TMEM131L: variants seen among roughly 807,000 people sequenced by gnomAD.
TMEM131L encodes transmembrane protein 131-like.
TMEM131L carries 54 observed loss-of-function variants against 192.2 expected under a neutral mutation model. The observed-to-expected ratio is 0.28, with a 90% CI of 0.23 to 0.35. The LOEUF is 0.35. Ranked by LOEUF, TMEM131L falls within the 10% of genes least tolerant of loss-of-function variation. The pLI is 1.00. For missense variants in TMEM131L, 1,888 were observed against 1,972.9 expected (o/e 0.96, Z 0.82); for synonymous variants, 701 against 704.9 (o/e 0.99, Z 0.09).
At position 153,614,360 on chromosome 4, in the gene TMEM131L, A is replaced by T. The variant is rs528360633; in HGVS notation, c.3567+1960A>T. Among the ~76,000 whole-genome samples the T allele has an allele frequency of 4.6e-5, 7 of 152,364 alleles. No homozygotes were observed. The South Asian group carries it at 1.4e-3, about 32-fold the overall frequency. On this transcript the variant is annotated intron_variant, in intron 26 of 34. Transcript: ENST00000409959. ...GCAATAGGAAGGTGGTGGTATCCGT[A>T]GAGAACTGAATTGTTGCCTGCTAAG...
intron 3 of TMEM131L, among the ~76,000 whole-genome samples, chr4:153,532,446 T>TAAA (rs57314018): frequency 3.6e-3 from 529 of 145,050 alleles, no homozygotes; most frequent in Middle Eastern, 7.0e-3. Flanking sequence ...GCTTTTTTTT[T>TAAA]AAAAAAAAAA....
chr4:153,535,671 T>C (rs559788811), intron 3 of TMEM131L, among the ~76,000 whole-genome samples: 1 of 152,230 alleles, frequency 6.6e-6, no homozygotes, highest in African/African-American at 2.4e-5. Context: ...TTAGGAAGAG[T>C]GTACCTTCCT....
At chr4:153,474,231 C>T (rs1211831302) in intron 3 of TMEM131L, among the ~76,000 whole-genome samples, 6 of 152,120 alleles carry the variant, frequency 3.9e-5, no homozygotes, top group East Asian at 3.8e-4. Context: ...ACCTCTGTTT[C>T]GTGTAGTGGG....
rs753384731 is a variant in TMEM131L at position 153,636,402 on chromosome 4, C to T, written c.4659C>T (p.Asn1553=). Residue 1553 remains asparagine (N), a synonymous_variant, in exon 35 of 35, where the codon AAC becomes AAT. Coordinates refer to ENST00000409959, the MANE Select transcript of TMEM131L (RefSeq NM_001131007.2). ...TGTATGAAAATTGCTGCCCCATCAA[C>T]CCCACCACGGAACATTCGACCCACA... ...SDVYENCCPI[N]PTTEHSTHME... 1.2e-6 allele frequency: 2 copies of T among 1,614,198 alleles called. No individual in the cohort carries two copies. The highest frequency in any genetic ancestry group is 1.7e-6 in the Non-Finnish European group (2 of 1,180,026).
chr4:153,486,285 A>G (rs1179574370), intron 3 of TMEM131L, among the ~76,000 whole-genome samples: 1 of 152,246 alleles, frequency 6.6e-6, no homozygotes, highest in Non-Finnish European at 1.5e-5. Flanking sequence ...ATTCAGCTAC[A>G]TAGCTTTTGA....
At chr4:153,467,357 C>A in intron 2 of TMEM131L, 76 bp downstream of exon 2, 3 of 1,294,870 alleles carry the variant, frequency 2.3e-6, no homozygotes, top group Non-Finnish European at 3.3e-6. Flanking sequence ...GTCCTCCCCA[C>A]CCCCTGTCCA....
chr4:153,585,470 G>A lies in TMEM131L; in HGVS notation c.1170G>A (p.Met390Ile). 2 of 1,613,896 alleles carry A rather than the reference G, an allele frequency of 1.2e-6. No individual in the cohort carries two copies. Among genetic ancestry groups the A allele is most frequent in the Non-Finnish European group, 1.7e-6 (2 of 1,179,940 alleles). Residue 390 changes from methionine to isoleucine, a missense_variant, in exon 13 of 35, where the codon ATG becomes ATA. Physicochemically the swap from Met to Ile is conservative, Grantham distance 10 (BLOSUM62 1). Coordinates refer to ENST00000409959, the MANE Select transcript of TMEM131L (RefSeq NM_001131007.2). ...CGTCTGTTCACAGGTATTTTAGAAT[G>A]GACTCTTCTGCAACCCAGTTTCACA... The part of the protein sequence containing the change: ...FSSVAQGYFR[M>I]DSSATQFHIE...
In TMEM131L at chr4:153,575,472, C is replaced by A. The variant is rs77140764; in HGVS notation, c.661-5354C>A. ...GGTACCTAGGAGAAACAGATTTGAT[C>A]TATTTTAATTTGTTAAAAAAGTACT... is the stretch of plus-strand genomic sequence containing the variant. On this transcript the variant is annotated intron_variant, in intron 7 of 34. Transcript: ENST00000409959. 7.7e-3 allele frequency among the ~76,000 whole-genome samples: 1,179 copies of A among 152,164 alleles called. 6 individuals carry two copies. The highest frequency in any genetic ancestry group is 0.013 in the Non-Finnish European group (880 of 68,002).
chr4:153,500,796 C>T (rs7691745), intron 3 of TMEM131L, among the ~76,000 whole-genome samples: 2,023 of 152,238 alleles, frequency 0.013, 39 homozygotes, highest in African/African-American at 0.045. Flanking sequence ...GAAACACACA[C>T]GCTCACACAC....
chr4:153,528,013 T>C (rs1282977563), intron 3 of TMEM131L, among the ~76,000 whole-genome samples: 2 of 152,208 alleles, frequency 1.3e-5, no homozygotes, highest in Non-Finnish European at 2.9e-5. Context: ...CTGAGCAGGT[T>C]CTTTTCCTCA....
chr4:153,596,781 C>CT (rs1416288743), intron 20 of TMEM131L, among the ~76,000 whole-genome samples: 1 of 152,174 alleles, frequency 6.6e-6, no homozygotes, highest in South Asian at 2.1e-4. Flanking sequence ...ACTTTCATCT[C>CT]TTTTTTGCTC....
At chr4:153,607,860 G>A (rs1026032222) in intron 25 of TMEM131L, among the ~76,000 whole-genome samples, 17 of 152,260 alleles carry the variant, frequency 1.1e-4, no homozygotes, top group Non-Finnish European at 2.2e-4. Flanking sequence ...GGGAGGCCGT[G>A]ATGGGCAGAT....
chr4:153,636,710 A>T lies in TMEM131L; in HGVS notation c.*134A>T. On this transcript the variant is annotated 3_prime_UTR_variant, in exon 35 of 35. Coordinates refer to ENST00000409959, the MANE Select transcript of TMEM131L (RefSeq NM_001131007.2). ...TATATGAAAATAAATTTTTTAATGA[A>T]ATCTGGGTGCTCTGTTTTTTTTAAC... The T allele has an allele frequency of 2.5e-6, 2 of 806,144 alleles. No homozygotes were observed. The highest frequency in any genetic ancestry group is 3.8e-6 in the Non-Finnish European group (2 of 528,270). 49.9% of individuals were successfully genotyped at this position (806,144 alleles called of 1,614,324 possible).
chr4:153,477,633 G>A (rs1024222371), intron 3 of TMEM131L, among the ~76,000 whole-genome samples: 1 of 152,012 alleles, frequency 6.6e-6, no homozygotes, highest in African/African-American at 2.4e-5. Context: ...CTGTGTACTT[G>A]CAAGCATATA....
intron 3 of TMEM131L, among the ~76,000 whole-genome samples, chr4:153,541,063 C>T (rs1488976545): frequency 1.3e-5 from 2 of 152,064 alleles, no homozygotes; most frequent in Non-Finnish European, 2.9e-5. Flanking sequence ...ATTATTTTAA[C>T]ATATAGTAGA....
At chr4:153,532,283 T>G (rs1221269001) in intron 3 of TMEM131L, among the ~76,000 whole-genome samples, 1 of 152,180 alleles carries the variant, frequency 6.6e-6, no homozygotes, top group East Asian at 1.9e-4. Flanking sequence ...AGGAGGCGTA[T>G]GTGTGCACAG....
chr4:153,531,896 C>G (rs1735927290), intron 3 of TMEM131L, among the ~76,000 whole-genome samples: 1 of 152,164 alleles, frequency 6.6e-6, no homozygotes, highest in African/African-American at 2.4e-5. Context: ...CCCCACCTCT[C>G]CACCACCTCC....
Position 153,598,629 on chromosome 4 carries a change from AT to A in TMEM131L, c.2166del (p.Phe722LeufsTer7). 6.2e-7 allele frequency: 1 copy of A among 1,613,916 alleles called. No homozygotes were observed. Among genetic ancestry groups the A allele is most frequent in the Non-Finnish European group, 8.5e-7 (1 of 1,179,866 alleles). On this transcript the variant is annotated frameshift_variant, in exon 21 of 35. Transcript: ENST00000409959. LOFTEE classifies it high-confidence loss of function. ...TVIDMIGVEG[F>X]GARELLKVGG... ...TTATTGACATGATTGGCGTGGAAGG[AT>A]TTGGAGCAAGAGAGTTATTAAAAGT...
At position 153,555,817 on chromosome 4, in the gene TMEM131L, C is replaced by G. The variant is rs1222530625; in HGVS notation, c.339C>G (p.Leu113=). 1 of 1,551,600 alleles carries G rather than the reference C, an allele frequency of 6.4e-7. No homozygotes were observed. The highest frequency in any genetic ancestry group is 2.0e-5 in the Admixed American group (1 of 50,986). Residue 113 remains leucine (L), a synonymous_variant, in exon 5 of 35, where the codon CTC becomes CTG. Transcript: ENST00000409959. The surrounding 1 kb of genome is among the most constrained non-coding windows in gnomAD (Gnocchi z 4.1). ...TGGGACATCCTGTAGCAAAGATTCT[C>G]CATGCTTACAACCCTAGTAGGGACA... ...QFLGHPVAKI[L]HAYNPSRDSE...
Sources: allele counts gnomAD v4.1 joint callset (sites outside exome capture counted in the v4.1 genomes callset), GRCh38; gene constraint gnomAD v4.1.1; non-coding constraint Gnocchi (gnomAD v3.1); transcripts MANE v1.5; gene names NCBI Gene and HGNC (gene_info 2026-07-23, HGNC 2026-07-21).